Variants in STEAP3 observed in about 807,000 individuals in gnomAD.
The protein encoded by STEAP3 is metalloreductase STEAP3.
In STEAP3, 35 loss-of-function variants were observed where a neutral mutation model predicts 34.9. The observed-to-expected ratio is 1.00, with a 90% confidence interval of 0.76 to 1.33. STEAP3 has a LOEUF of 1.33. STEAP3 is among the 40% of genes most tolerant of loss of function. The probability of loss-of-function intolerance (pLI) is 0.00; values close to 1 mark genes in which losing one functional copy is unlikely to be tolerated. For missense variants in STEAP3, 652 were observed against 667.6 expected (o/e 0.98, Z 0.26); for synonymous variants, 281 against 301.6 (o/e 0.93, Z 0.71).
At chr2:119,238,855 T>A (rs1380672374) in intron 2 of STEAP3, among the ~76,000 whole-genome samples, 2 of 152,168 alleles carry the variant, frequency 1.3e-5, no homozygotes, top group Non-Finnish European at 2.9e-5. Flanking sequence ...TCCAGTGGTG[T>A]GTGCAGTCAG....
rs998096781 is a variant in STEAP3 at position 119,257,619 on chromosome 2, C to G, written c.1215+2771C>G. 28 of 1,500,404 alleles carry G rather than the reference C, an allele frequency of 1.9e-5. No individual in the cohort carries two copies. Among genetic ancestry groups the G allele is most frequent in the Non-Finnish European group, 5.3e-6 (6 of 1,128,356 alleles). 92.9% of individuals were successfully genotyped at this position (1,500,404 alleles called of 1,614,324 possible). On this transcript the variant is annotated intron_variant, in intron 5 of 5. Coordinates refer to ENST00000393110, the MANE Select transcript of STEAP3 (RefSeq NM_182915.3). ...GCCTGTGTCCACCCCATATGGTCAT[C>G]AAGAGGATTTGAGCTGGACACGTTA...
At chr2:119,250,306 G>A (rs1245003291) in intron 4 of STEAP3, among the ~76,000 whole-genome samples, 3 of 152,236 alleles carry the variant, frequency 2.0e-5, no homozygotes, top group Non-Finnish European at 4.4e-5. Flanking sequence ...GGGGCGGTGT[G>A]GAGGCCTGAA....
rs749694708 is a variant in STEAP3 at position 119,245,844 on chromosome 2, C to A, written c.378C>A (p.Asn126Lys). The A allele has an allele frequency of 6.8e-6, 11 of 1,614,134 alleles. No individual in the cohort carries two copies. Among genetic ancestry groups the A allele is most frequent in the African/African-American group, 1.3e-5 (1 of 75,034 alleles). Residue 126 changes from asparagine (N) to lysine (K), a missense_variant, in exon 3 of 6, where the codon AAC (asparagine) becomes AAA (lysine). Transcript: ENST00000393110. Reference sequence around the variant, plus strand: ...GCAAGATCCTGGTGGATGTGAGCAACCCTACAGAGCAAGAGCACCTTCAGC... The same window carrying A: ...GCAAGATCCTGGTGGATGTGAGCAAACCTACAGAGCAAGAGCACCTTCAGC... ...LAGKILVDVSNPTEQEHLQHR... is the reference protein window; with the variant it reads ...LAGKILVDVSKPTEQEHLQHR...
rs539478106 is a variant in STEAP3 at position 119,244,693 on chromosome 2, CAATT to C, written c.23-792_23-789del. The C allele has an allele frequency of 2.6e-5, 4 of 152,204 alleles. No homozygotes were observed. In the South Asian group the frequency reaches 8.3e-4, roughly 32 times the overall value. 9.4% of individuals were successfully genotyped at this position (152,204 alleles called of 1,614,324 possible). ...GCAAATTTTAGTTAGAAGTTGGTGA[CAATT>C]AATATATAATAATTTTTCCATCCAA... On this transcript the variant is annotated intron_variant, in intron 2 of 5. Coordinates refer to ENST00000393110, the MANE Select transcript of STEAP3 (RefSeq NM_182915.3).
chr2:119,239,065 A>T (rs1225502531), intron 2 of STEAP3, among the ~76,000 whole-genome samples: 2 of 152,276 alleles, frequency 1.3e-5, no homozygotes, highest in African/African-American at 4.8e-5. Flanking sequence ...CCCCAGGTGT[A>T]TATGGCCCTT....
intron 2 of STEAP3, among the ~76,000 whole-genome samples, chr2:119,232,524 C>T (rs532401834): frequency 2.0e-4 from 31 of 152,288 alleles, no homozygotes; most frequent in African/African-American, 7.0e-4. Flanking sequence ...TTGGGGAAGA[C>T]GGAATTCATG....
intron 5 of STEAP3, chr2:119,257,404 T>C: frequency 7.0e-7 from 1 of 1,422,552 alleles, no homozygotes; most frequent in Non-Finnish European, 9.2e-7. Context: ...GGGATGGCTC[T>C]GGCAATCTAT....
intron 2 of STEAP3, among the ~76,000 whole-genome samples, chr2:119,237,410 T>C (rs973356775): frequency 3.3e-5 from 5 of 152,164 alleles, no homozygotes; most frequent in Admixed American, 1.3e-4. Flanking sequence ...CAAGCTGCTC[T>C]CGAGGAAACT....
intron 2 of STEAP3, among the ~76,000 whole-genome samples, chr2:119,238,521 T>C (rs1369137579): frequency 6.6e-6 from 1 of 152,204 alleles, no homozygotes; most frequent in Non-Finnish European, 1.5e-5. Context: ...TCTTCAGATA[T>C]TTAGAAACAG....
rs139027075 is a variant in STEAP3 at position 119,248,102 on chromosome 2, G to A, written c.946G>A (p.Gly316Arg). The A allele has an allele frequency of 8.1e-6, 13 of 1,608,402 alleles. No individual in the cohort carries two copies. The highest frequency in any genetic ancestry group is 3.3e-5 in the Admixed American group (2 of 59,968). ...DHWLQHRKQI[G>R]LLSFFCAALH... ...CTGGCTACAGCACCGCAAGCAGATC[G>A]GGCTGCTCAGCTTCTTCTGCGCCGC... is the stretch of plus-strand genomic sequence containing the variant. Residue 316 changes from glycine to arginine, a missense_variant, in exon 4 of 6, where the codon GGG (glycine) becomes AGG (arginine). By Grantham distance (125) the Gly-to-Arg change is moderately radical. Coordinates refer to ENST00000393110, the MANE Select transcript of STEAP3 (RefSeq NM_182915.3).
At chr2:119,260,860 G>A (rs1273006850) in intron 5 of STEAP3, among the ~76,000 whole-genome samples, 3 of 152,234 alleles carry the variant, frequency 2.0e-5, no homozygotes, top group Middle Eastern at 3.4e-3. Context: ...CACTCTTCGT[G>A]GTGAGCCAGA....
chr2:119,241,695 C>T (rs538294710), intron 2 of STEAP3, among the ~76,000 whole-genome samples: 22 of 152,272 alleles, frequency 1.4e-4, no homozygotes, highest in African/African-American at 4.3e-4. Flanking sequence ...CAGCTCCCCT[C>T]GGCTGCAGCG....
At position 119,263,417 on chromosome 2, in the gene STEAP3, T is replaced by G. The variant is rs933604351; in HGVS notation, c.*79T>G. ...CCGTTAGGTTTTCTTTTCTTGGTGG[T>G]GCAAAGTGGTATAACTGTGTGCAAA... On this transcript the variant is annotated 3_prime_UTR_variant, in exon 6 of 6. Coordinates refer to ENST00000393110, the MANE Select transcript of STEAP3 (RefSeq NM_182915.3). 2.2e-5 allele frequency: 34 copies of G among 1,543,040 alleles called. No individual in the cohort carries two copies. The highest frequency in any genetic ancestry group is 3.0e-5 in the Non-Finnish European group (34 of 1,145,732).
intron 1 of STEAP3, among the ~76,000 whole-genome samples, chr2:119,224,246 G>A (rs1389279601): frequency 6.6e-6 from 1 of 152,222 alleles, no homozygotes; most frequent in Non-Finnish European, 1.5e-5. Context: ...CCCCACGGCT[G>A]GGGCTCTGGC....
chr2:119,263,393 C>T lies in STEAP3; in HGVS notation c.*55C>T, dbSNP rs771138329. ...CACACGAGGGACGGTGCCCTGAGCC[C>T]GTTAGGTTTTCTTTTCTTGGTGGTG... On this transcript the variant is annotated 3_prime_UTR_variant, in exon 6 of 6. Transcript: ENST00000393110. The T allele has an allele frequency of 2.2e-5, 34 of 1,572,236 alleles. 1 individual carries two copies. Among genetic ancestry groups the T allele is most frequent in the South Asian group, 6.9e-5 (6 of 86,494 alleles).
At chr2:119,247,637 T>TGG (rs1271873355) in intron 3 of STEAP3, 42 bp from the exon 4 acceptor site, 1 of 1,499,708 alleles carries the variant, frequency 6.7e-7, no homozygotes, top group Non-Finnish European at 8.8e-7. Context: ...CCCACTCCTG[T>TGG]GGCCTGTGAC....
chr2:119,249,257 C>T (rs183742546), intron 4 of STEAP3, among the ~76,000 whole-genome samples: 33 of 151,472 alleles, frequency 2.2e-4, no homozygotes, highest in African/African-American at 7.2e-4. Context: ...AAGTGGAGGA[C>T]CTTCAGGCCA....
At chr2:119,240,464 C>A (rs1203829212) in intron 2 of STEAP3, among the ~76,000 whole-genome samples, 1 of 152,246 alleles carries the variant, frequency 6.6e-6, no homozygotes, top group Non-Finnish European at 1.5e-5. Flanking sequence ...GTGGCCACAG[C>A]CTGCCCTGGC....
chr2:119,224,133 G>T (rs1678958618), intron 1 of STEAP3, among the ~76,000 whole-genome samples: 1 of 152,216 alleles, frequency 6.6e-6, no homozygotes, highest in Non-Finnish European at 1.5e-5. Flanking sequence ...CGCAGGTTAG[G>T]CAGGGCCGGC....
Sources: allele counts gnomAD v4.1 joint callset (sites outside exome capture counted in the v4.1 genomes callset), GRCh38; gene constraint gnomAD v4.1.1; transcripts MANE v1.5; gene names NCBI Gene and HGNC (gene_info 2026-07-23, HGNC 2026-07-21).